PLCB1: variants seen among roughly 807,000 people sequenced by gnomAD.
The protein encoded by PLCB1 is 1-phosphatidylinositol 4,5-bisphosphate phosphodiesterase beta-1.
A neutral mutation model predicts 161.8 loss-of-function variants in PLCB1; 46 were observed. The ratio of observed to expected loss-of-function variants is 0.28; its 90% CI spans 0.22 to 0.36. PLCB1 has a LOEUF of 0.36. Among genes scored for constraint, PLCB1 ranks in the 10% least tolerant of loss-of-function variants. PLCB1 has a pLI of 1.00. For missense variants in PLCB1, 1,016 were observed against 1,472.5 expected, an observed-to-expected ratio of 0.69 and a Z score of 5.07; for synonymous variants, 517 against 503.7, an observed-to-expected ratio of 1.03 and a Z score of -0.35.
intron 3 of PLCB1, among the ~76,000 whole-genome samples, chr20:8,604,862 A>G (rs1987708523): frequency 6.6e-6 from 1 of 152,250 alleles, no homozygotes; most frequent in East Asian, 1.9e-4. Context: ...GTGCAACACA[A>G]AGGTCTTGGG....
At chr20:8,435,979 A>T (rs762110087) in intron 3 of PLCB1, among the ~76,000 whole-genome samples, 1 of 152,108 alleles carries the variant, frequency 6.6e-6, no homozygotes. Context: ...GATACACTAA[A>T]ATTCCTCTCC....
chr20:8,789,915 A>G (rs1425487279), intron 30 of PLCB1, among the ~76,000 whole-genome samples: 1 of 151,974 alleles, frequency 6.6e-6, no homozygotes. Context: ...TTTTTTTCCA[A>G]TTTAATGTCA....
At chr20:8,475,006 C>A (rs1184832402) in intron 3 of PLCB1, among the ~76,000 whole-genome samples, 1 of 129,332 alleles carries the variant, frequency 7.7e-6, no homozygotes, top group Non-Finnish European at 1.7e-5. Flanking sequence ...AGATCACACA[C>A]ACAGACACAC....
chr20:8,671,767 AGT>A (rs1053144643), intron 9 of PLCB1, among the ~76,000 whole-genome samples: 2 of 152,200 alleles, frequency 1.3e-5, no homozygotes, highest in African/African-American at 4.8e-5. Context: ...TATCCAGGCC[AGT>A]GTTAGGAAAG....
rs763886018 is a variant in PLCB1 at position 8,717,836 on chromosome 20, T to G, written c.1501T>G (p.Ser501Ala). 5.0e-6 allele frequency: 8 copies of G among 1,606,326 alleles called. No homozygotes were observed. Among genetic ancestry groups the G allele is most frequent in the Non-Finnish European group, 6.8e-6 (8 of 1,178,014 alleles). The change falls in exon 14 of 32, where the codon TCC becomes GCC. Residue 501 changes from serine (S) to alanine (A), a missense_variant. By Grantham distance (99) the Ser-to-Ala change is moderately conservative (BLOSUM62 1). This residue lies in a region of PLCB1 where 109 missense variants were observed against 129.7 expected (regional missense o/e 0.84). Coordinates refer to ENST00000338037, the MANE Select transcript of PLCB1 (RefSeq NM_015192.4). Reference sequence around the variant, plus strand: ...CTCCTCCAGCATGTTCGAGCCCTCATCCCCAGGAGCCGGTGAGGGGCTGGT... The same window carrying G: ...CTCCTCCAGCATGTTCGAGCCCTCAGCCCCAGGAGCCGGTGAGGGGCTGGT... Reference protein sequence around the residue: ...SDSSSMFEPSSPGAGEADTES... With the variant: ...SDSSSMFEPSAPGAGEADTES...
chr20:8,185,708 T>C (rs2051896134), intron 2 of PLCB1, among the ~76,000 whole-genome samples: 1 of 152,098 alleles, frequency 6.6e-6, no homozygotes, highest in Non-Finnish European at 1.5e-5. Flanking sequence ...AATTTGTTTT[T>C]ATTTATTTAT....
At chr20:8,741,417 T>C in intron 22 of PLCB1, 47 bp from the exon 23 acceptor site, 2 of 1,304,972 alleles carry the variant, frequency 1.5e-6, no homozygotes, top group Non-Finnish European at 2.2e-6. Flanking sequence ...TGATGGATAA[T>C]CAATACTTCC....
At chr20:8,610,420 A>G (rs1005427256) in intron 3 of PLCB1, among the ~76,000 whole-genome samples, 5 of 152,164 alleles carry the variant, frequency 3.3e-5, no homozygotes, top group Non-Finnish European at 7.4e-5. Flanking sequence ...TTTTTTGGCT[A>G]TTATGAAAAA....
rs767645234 is a variant in PLCB1 at position 8,628,381 on chromosome 20, G to A, written c.334G>A (p.Val112Met). 4 of 1,613,992 alleles carry A rather than the reference G, an allele frequency of 2.5e-6. No individual in the cohort carries two copies. Among genetic ancestry groups the A allele is most frequent in the African/African-American group, 1.3e-5 (1 of 74,906 alleles). ...MITVVYGPDL[V>M]NISHLNLVAF... The stretch of plus-strand genomic sequence containing the variant: ...CACAGTGGTGTATGGGCCTGACCTC[G>A]TGAACATCTCCCATTTGAATCTCGT... The change falls in exon 4 of 32, where the codon GTG becomes ATG. Residue 112 changes from valine to methionine, a missense_variant. By Grantham distance (21) the Val-to-Met change is conservative. This residue lies in a region of PLCB1 where 181 missense variants were observed against 236.7 expected (regional missense o/e 0.76). Coordinates refer to ENST00000338037, the MANE Select transcript of PLCB1 (RefSeq NM_015192.4).
At chr20:8,576,220 T>G (rs1277090166) in intron 3 of PLCB1, among the ~76,000 whole-genome samples, 1 of 152,212 alleles carries the variant, frequency 6.6e-6, no homozygotes, top group Middle Eastern at 3.2e-3. Flanking sequence ...TCTGTCCTCC[T>G]GAAGCACTTA....
At chr20:8,417,964 C>T (rs1979376365) in intron 3 of PLCB1, among the ~76,000 whole-genome samples, 1 of 152,246 alleles carries the variant, frequency 6.6e-6, no homozygotes, top group African/African-American at 2.4e-5. Flanking sequence ...TAGCACAGGG[C>T]AGCTGTCTGC....
At position 8,348,703 on chromosome 20, in the gene PLCB1, T is replaced by C. The variant is rs576382920; in HGVS notation, c.178-22679T>C. On this transcript the variant is annotated intron_variant, in intron 2 of 31. Transcript: ENST00000338037. The stretch of plus-strand genomic sequence containing the variant: ...GTATCCTTTCTAAGCTGCTGCTGTT[T>C]TGGCCTTTTTAGAAACTTACAGCTG... Among the ~76,000 whole-genome samples, 4 of 152,346 alleles carry C rather than the reference T, an allele frequency of 2.6e-5. No homozygotes were observed. The East Asian group carries it at 7.7e-4, about 29-fold the overall frequency.
At chr20:8,815,071 C>T (rs754593961) in intron 31 of PLCB1, among the ~76,000 whole-genome samples, 1 of 152,230 alleles carries the variant, frequency 6.6e-6, no homozygotes. Context: ...TCATGTGCTT[C>T]CCTTCTCTAC....
rs116390084 is a variant in PLCB1, at chr20:8,285,939, G to A, written c.178-85443G>A. 9.3e-3 allele frequency among the ~76,000 whole-genome samples: 1,416 copies of A among 152,222 alleles called. 32 individuals carry two copies. The highest frequency in any genetic ancestry group is 0.032 in the African/African-American group (1,339 of 41,522). On this transcript the variant is annotated intron_variant, in intron 2 of 31. Coordinates refer to ENST00000338037, the MANE Select transcript of PLCB1 (RefSeq NM_015192.4). ...TATTTATGTTTCTCAAATATTGATG[G>A]TATTTTTTCAGGGCTGGATACATTA...
At chr20:8,785,387 A>C (rs1247690553) in intron 27 of PLCB1, among the ~76,000 whole-genome samples, 1 of 152,134 alleles carries the variant, frequency 6.6e-6, no homozygotes, top group Admixed American at 6.5e-5. Context: ...TGGTATGTGG[A>C]CTACACTTTG....
chr20:8,846,213 GC>G (rs1300235485), intron 31 of PLCB1, among the ~76,000 whole-genome samples: 3 of 150,840 alleles, frequency 2.0e-5, no homozygotes, highest in Admixed American at 6.6e-5. Flanking sequence ...AGGGGGAGGT[GC>G]CACATACTTT....
intron 3 of PLCB1, among the ~76,000 whole-genome samples, chr20:8,383,111 C>G (rs190574447): frequency 6.6e-6 from 1 of 150,548 alleles, no homozygotes; most frequent in Admixed American, 6.6e-5. Flanking sequence ...TCTCATTGAT[C>G]TGTCTAATAT....
intron 3 of PLCB1, among the ~76,000 whole-genome samples, chr20:8,434,378 C>T (rs145732576): frequency 2.0e-5 from 3 of 151,996 alleles, no homozygotes; most frequent in African/African-American, 4.8e-5. Flanking sequence ...AGGACAAAAT[C>T]ATAAAATAAT....
intron 7 of PLCB1, among the ~76,000 whole-genome samples, chr20:8,655,073 A>G (rs1989421218): frequency 6.6e-6 from 1 of 152,214 alleles, no homozygotes; most frequent in Non-Finnish European, 1.5e-5. Context: ...TCAATATGCT[A>G]TCATCCAACT....
Sources: gnomAD v4.1 joint callset for allele counts (sites outside exome capture counted in the v4.1 genomes callset) on GRCh38, gnomAD v4.1.1 for gene constraint, gnomAD v4.1.1 regional missense constraint, MANE v1.5 for transcripts, NCBI Gene and HGNC (gene_info 2026-07-23, HGNC 2026-07-21) for gene names.